The following ZNF556 variants were observed in gnomAD, a reference collection of about 807,000 sequenced individuals.
ZNF556 encodes zinc finger protein 556.
A neutral mutation model predicts 13.6 loss-of-function variants in ZNF556; 11 were observed. The ratio of observed to expected loss-of-function variants is 0.81; its 90% CI spans 0.51 to 1.33. The LOEUF (loss-of-function observed/expected upper bound fraction) is 1.33. Ranked by LOEUF, ZNF556 falls within the 40% of genes most tolerant of loss-of-function variation. The probability of loss-of-function intolerance (pLI) is 0.00; values close to 1 mark genes in which losing one functional copy is unlikely to be tolerated. For missense variants in ZNF556, 633 were observed against 566.2 expected, an observed-to-expected ratio of 1.12 and a Z score of -1.20; for synonymous variants, 229 against 207.8, an observed-to-expected ratio of 1.10 and a Z score of -0.88.
chr19:2,878,065 C>T lies in ZNF556; in HGVS notation c.1107C>T (p.Val369=), dbSNP rs747672845. 1.2e-6 allele frequency: 2 copies of T among 1,614,160 alleles called. No homozygotes were observed. The highest frequency in any genetic ancestry group is 1.7e-5 in the Admixed American group (1 of 60,012). ...TDVKSQTREK[V]YKCETCGKTY... Reference sequence around the variant, plus strand: ...TCAAATCACAAACTAGAGAGAAAGTCTATAAATGTGAAACGTGTGGGAAAA... The same window carrying T: ...TCAAATCACAAACTAGAGAGAAAGTTTATAAATGTGAAACGTGTGGGAAAA... Residue 369 remains valine, a synonymous_variant, in exon 4 of 4, where the codon GTC becomes GTT. Transcript: ENST00000307635.
rs775060973 is a variant in ZNF556, at chr19:2,877,365, T to G, written c.407T>G (p.Leu136Arg). 1 of 1,614,204 alleles carries G rather than the reference T, an allele frequency of 6.2e-7. No homozygotes were observed. The highest frequency in any genetic ancestry group is 8.5e-7 in the Non-Finnish European group (1 of 1,180,034). The stretch of plus-strand genomic sequence containing the variant: ...AAGACTCGAAATTGTAATCGTCATC[T>G]GCGCAAGAATTGTTGTACTAGTGTA... The part of the protein sequence containing the change: ...FRKTRNCNRH[L>R]RKNCCTSVRR... The change falls in exon 4 of 4, where the codon CTG becomes CGG. Residue 136 changes from leucine to arginine, a missense_variant. Leu to Arg is a moderately radical substitution (Grantham distance 102). Coordinates refer to ENST00000307635, the MANE Select transcript of ZNF556 (RefSeq NM_024967.3).
chr19:2,867,598 C>T (rs2087766769), intron 1 of ZNF556, among the ~76,000 whole-genome samples, 174 bp downstream of exon 1: 1 of 151,760 alleles, frequency 6.6e-6, no homozygotes, highest in Non-Finnish European at 1.5e-5. Context: ...AGTCTTCATT[C>T]CCTGGAAAGT....
chr19:2,871,075 A>G (rs1158904118), intron 1 of ZNF556, among the ~76,000 whole-genome samples: 1 of 151,492 alleles, frequency 6.6e-6, no homozygotes, highest in Non-Finnish European at 1.5e-5. Flanking sequence ...ATGACACAGG[A>G]TAAAGAATAT....
chr19:2,873,560 C>A lies in ZNF556; in HGVS notation c.68C>A (p.Pro23His). The A allele has an allele frequency of 6.2e-7, 1 of 1,614,162 alleles. No individual in the cohort carries two copies. The highest frequency in any genetic ancestry group is 8.5e-7 in the Non-Finnish European group (1 of 1,180,008). Residue 23 changes from proline (P) to histidine (H), a missense_variant, in exon 2 of 4, where the codon CCT becomes CAT. Physicochemically the swap from Pro to His is moderately conservative, Grantham distance 77. Coordinates refer to ENST00000307635, the MANE Select transcript of ZNF556 (RefSeq NM_024967.3). ...CTGGAGGAGTGGGCCTTGCTGAATCCTGCTCAGAGAAAACTCTACAGAGAT... is the reference window on the plus strand; with the variant it reads ...CTGGAGGAGTGGGCCTTGCTGAATCATGCTCAGAGAAAACTCTACAGAGAT... ...FTLEEWALLN[P>H]AQRKLYRDVM...
In ZNF556 at chr19:2,882,510, A is replaced by ATT. The variant is rs1286737119; in HGVS notation, c.*4184_*4185dup. On this transcript the variant is annotated 3_prime_UTR_variant, in exon 4 of 4. Coordinates refer to ENST00000307635, the MANE Select transcript of ZNF556 (RefSeq NM_024967.3). ...AAAAATTTTAGGGCATGATGTATAC[A>ATT]TTTTATATATATATATATATAGTGT... 7.5e-5 allele frequency: 9 copies of ATT among 120,514 alleles called. No homozygotes were observed. The highest frequency in any genetic ancestry group is 2.7e-4 in the African/African-American group (8 of 29,624). The allele number at this position is 120,514 out of a possible 1,614,324, so 7.5% of individuals were successfully genotyped here.
rs758133686 is a variant in ZNF556, at chr19:2,873,634, A to G, written c.130+12A>G. On this transcript the variant is annotated intron_variant, in intron 2 of 3. Coordinates refer to ENST00000307635, the MANE Select transcript of ZNF556 (RefSeq NM_024967.3). The stretch of plus-strand genomic sequence containing the variant: ...CCTGGCCTCAGTAGGTGAGGATAGC[A>G]TTATTTCTGCACTTAGTTATTAGAT... 1 of 1,610,600 alleles carries G rather than the reference A, an allele frequency of 6.2e-7. No homozygotes were observed. Among genetic ancestry groups the G allele is most frequent in the Non-Finnish European group, 8.5e-7 (1 of 1,177,342 alleles).
Position 2,881,722 on chromosome 19 carries a change from C to T in ZNF556, c.*3393C>T, listed in dbSNP as rs921128743. ...CTCATCATGAATTCATTTATAGTTC[C>T]ACCATGTAATATGTCTTAAATACTA... On this transcript the variant is annotated 3_prime_UTR_variant, in exon 4 of 4. Transcript: ENST00000307635. 2.6e-5 allele frequency: 4 copies of T among 151,946 alleles called. No homozygotes were observed. Among genetic ancestry groups the T allele is most frequent in the African/African-American group, 9.7e-5 (4 of 41,330 alleles). 9.4% of individuals were successfully genotyped at this position (151,946 alleles called of 1,614,324 possible). A position where few individuals can be genotyped will look rare whatever the true frequency, so the allele number is the denominator to read the frequency against.
intron 2 of ZNF556, among the ~76,000 whole-genome samples, chr19:2,874,740 T>A (rs2087835189): frequency 1.7e-5 from 1 of 57,348 alleles, no homozygotes; most frequent in Non-Finnish European, 3.6e-5. Context: ...TAAGACTCTG[T>A]CTCAAAAAAA....
At chr19:2,870,288 A>AAAT (rs908917444) in intron 1 of ZNF556, among the ~76,000 whole-genome samples, 9 of 151,382 alleles carry the variant, frequency 5.9e-5, no homozygotes, top group African/African-American at 2.2e-4. Context: ...GTCTACTAAA[A>AAAT]AATAATAATA....
chr19:2,873,564 T>C lies in ZNF556; in HGVS notation c.72T>C (p.Ala24=). ...AGGAGTGGGCCTTGCTGAATCCTGC[T>C]CAGAGAAAACTCTACAGAGATGTCA... is the stretch of plus-strand genomic sequence containing the variant. ...TLEEWALLNP[A]QRKLYRDVML... is the part of the protein sequence containing the mutation. Residue 24 remains alanine, a synonymous_variant, in exon 2 of 4, where the codon GCT becomes GCC. Transcript: ENST00000307635. 6.2e-7 allele frequency: 1 copy of C among 1,614,160 alleles called. No homozygotes were observed. The highest frequency in any genetic ancestry group is 8.5e-7 in the Non-Finnish European group (1 of 1,180,008).
rs2087909419 is a variant in ZNF556, at chr19:2,882,251, C to A, written c.*3922C>A. On this transcript the variant is annotated 3_prime_UTR_variant, in exon 4 of 4. Transcript: ENST00000307635. ...GACCATCCTGGCTAACCCGGTGAAA[C>A]CCTGTCTCTAGTAAAAAATACAAAA... 1 of 151,882 alleles carries A rather than the reference C, an allele frequency of 6.6e-6. No individual in the cohort carries two copies. Among genetic ancestry groups the A allele is most frequent in the Non-Finnish European group, 1.5e-5 (1 of 68,032 alleles). The allele number at this position is 151,882 out of a possible 1,614,324, so 9.4% of individuals were successfully genotyped here.
intron 2 of ZNF556, chr19:2,874,943 G>A (rs1418228560): frequency 7.9e-6 from 1 of 126,074 alleles, no homozygotes; most frequent in Non-Finnish European, 1.6e-5. Flanking sequence ...CTTCTCATTA[G>A]TTGAAATCCT....
Position 2,880,655 on chromosome 19 carries a change from G to A in ZNF556, c.*2326G>A, listed in dbSNP as rs181575695. The A allele has an allele frequency of 0.01, 1,527 of 151,152 alleles. 16 individuals carry two copies. Among genetic ancestry groups the A allele is most frequent in the Middle Eastern group, 0.02 (6 of 294 alleles). 9.4% of individuals were successfully genotyped at this position (151,152 alleles called of 1,614,324 possible). A position where few individuals can be genotyped will look rare whatever the true frequency, so the allele number is the denominator to read the frequency against. On this transcript the variant is annotated 3_prime_UTR_variant, in exon 4 of 4. Coordinates refer to ENST00000307635, the MANE Select transcript of ZNF556 (RefSeq NM_024967.3). ...GTGCTGGTAGGTGCCTGTAGTCCCA[G>A]CTACTCGGGAGGCTGAGGAAGGAGA...
At chr19:2,874,282 A>C (rs917207723) in intron 2 of ZNF556, among the ~76,000 whole-genome samples, 1 of 151,836 alleles carries the variant, frequency 6.6e-6, no homozygotes, top group East Asian at 1.9e-4. Flanking sequence ...AAATAAATAA[A>C]TATTTCTTGC....
chr19:2,870,000 G>C (rs572671236), intron 1 of ZNF556, among the ~76,000 whole-genome samples: 14 of 152,126 alleles, frequency 9.2e-5, no homozygotes, highest in African/African-American at 3.4e-4. Flanking sequence ...GCCAAGACCC[G>C]CTCCTTCCAT....
In ZNF556 at chr19:2,882,531, AGTGTGTGTGTGTGTGTGTGTGT is replaced by A. The variant is rs1555726894; in HGVS notation, c.*4216_*4237del. 7.8e-6 allele frequency: 1 copy of A among 127,722 alleles called. No individual in the cohort carries two copies. The highest frequency in any genetic ancestry group is 1.6e-5 in the Non-Finnish European group (1 of 62,732). 7.9% of individuals were successfully genotyped at this position (127,722 alleles called of 1,614,324 possible). A position where few individuals can be genotyped will look rare whatever the true frequency, so the allele number is the denominator to read the frequency against. On this transcript the variant is annotated 3_prime_UTR_variant, in exon 4 of 4. Coordinates refer to ENST00000307635, the MANE Select transcript of ZNF556 (RefSeq NM_024967.3). The stretch of plus-strand genomic sequence containing the variant: ...ATACATTTTATATATATATATATAT[AGTGTGTGTGTGTGTGTGTGTGT>A]GTGTGTGTGTGTGAATGTGTGTGAC...
chr19:2,874,025 G>C (rs1742481553), intron 2 of ZNF556, among the ~76,000 whole-genome samples: 1 of 152,062 alleles, frequency 6.6e-6, no homozygotes, highest in South Asian at 2.1e-4. Context: ...GGGAGGCCAA[G>C]GCGGGTGGAT....
At chr19:2,869,357 T>C (rs1354268030) in intron 1 of ZNF556, among the ~76,000 whole-genome samples, 2 of 143,940 alleles carry the variant, frequency 1.4e-5, no homozygotes, top group Non-Finnish European at 3.0e-5. Flanking sequence ...ATTTTATATC[T>C]CCTCTTTTTT....
chr19:2,879,794 G>A lies in ZNF556; in HGVS notation c.*1465G>A, dbSNP rs1292784095. ...GCCTGTAATCCCAGCACTTTGGGAG[G>A]CTGAGGTGGGCGGATCACGAGGTCA... On this transcript the variant is annotated 3_prime_UTR_variant, in exon 4 of 4. Transcript: ENST00000307635. 6.6e-6 allele frequency: 1 copy of A among 151,620 alleles called. No individual in the cohort carries two copies. Among genetic ancestry groups the A allele is most frequent in the East Asian group, 2.0e-4 (1 of 5,094 alleles). 9.4% of individuals were successfully genotyped at this position (151,620 alleles called of 1,614,324 possible).
Sources: gnomAD v4.1 joint callset for allele counts (sites outside exome capture counted in the v4.1 genomes callset) on GRCh38, gnomAD v4.1.1 for gene constraint, MANE v1.5 for transcripts, NCBI Gene and HGNC (gene_info 2026-07-23, HGNC 2026-07-21) for gene names.